Variants in RNF216 observed in about 807,000 individuals in gnomAD.
RNF216 encodes E3 ubiquitin-protein ligase RNF216.
RNF216 carries 72 observed loss-of-function variants against 110.8 expected under a neutral mutation model. That is an observed-to-expected ratio of 0.65 (90% CI 0.54 to 0.79). The LOEUF is 0.79. Ranked by LOEUF, RNF216 falls within the 30% of genes least tolerant of loss-of-function variation. RNF216 has a pLI of 0.00. For missense variants in RNF216, 1,342 were observed against 1,141.2 expected, an observed-to-expected ratio of 1.18 and a Z score of -2.54; for synonymous variants, 495 against 407.5, an observed-to-expected ratio of 1.21 and a Z score of -2.59.
At chr7:5,687,482 G>C (rs1049504898) in intron 13 of RNF216, among the ~76,000 whole-genome samples, 3 of 151,642 alleles carry the variant, frequency 2.0e-5, no homozygotes, top group African/African-American at 7.3e-5. Flanking sequence ...AAACCAAAGA[G>C]TCCACTCACA....
At chr7:5,695,571 T>C (rs1791576635) in intron 13 of RNF216, among the ~76,000 whole-genome samples, 1 of 152,256 alleles carries the variant, frequency 6.6e-6, no homozygotes, top group South Asian at 2.1e-4. Context: ...ACCGCAGCTA[T>C]AGACAAGTTC....
chr7:5,764,870 C>A (rs1004486014), intron 1 of RNF216, among the ~76,000 whole-genome samples: 3 of 151,926 alleles, frequency 2.0e-5, no homozygotes, highest in Admixed American at 6.6e-5. Flanking sequence ...AATTCGAGAC[C>A]AGCCTGAGCA....
chr7:5,625,416 G>T (rs748774432), intron 15 of RNF216, among the ~76,000 whole-genome samples: 1 of 152,150 alleles, frequency 6.6e-6, no homozygotes, highest in African/African-American at 2.4e-5. Flanking sequence ...GCTGTGGGTT[G>T]GAATATTAAT....
At chr7:5,661,074 G>A (rs1410659654) in intron 13 of RNF216, among the ~76,000 whole-genome samples, 1 of 150,908 alleles carries the variant, frequency 6.6e-6, no homozygotes, top group Non-Finnish European at 1.5e-5. Context: ...CAAGTAGCTG[G>A]AATTACAGGT....
chr7:5,642,156 T>C (rs1421392986), intron 14 of RNF216, among the ~76,000 whole-genome samples: 1 of 151,924 alleles, frequency 6.6e-6, no homozygotes, highest in East Asian at 1.9e-4. Context: ...CGTTTATGAT[T>C]TTAGTTACTC....
At chr7:5,733,499 T>C (rs1187046822) in intron 5 of RNF216, among the ~76,000 whole-genome samples, 1 of 152,190 alleles carries the variant, frequency 6.6e-6, no homozygotes, top group Admixed American at 6.5e-5. Context: ...ACATTGAATA[T>C]ACTCAATTTC....
At chr7:5,671,740 G>C (rs1444727945) in intron 13 of RNF216, among the ~76,000 whole-genome samples, 2 of 147,346 alleles carry the variant, frequency 1.4e-5, no homozygotes, top group Non-Finnish European at 3.0e-5. Flanking sequence ...GGAAGGCGGA[G>C]GTTGCAGTGA....
intron 1 of RNF216, among the ~76,000 whole-genome samples, chr7:5,771,406 CATTAAA>C (rs1237608901): frequency 6.6e-6 from 1 of 152,128 alleles, no homozygotes; most frequent in African/African-American, 2.4e-5. Flanking sequence ...AAACACTATA[CATTAAA>C]ATTAAGCATG....
intron 5 of RNF216, 124 bp downstream of exon 5, chr7:5,739,152 T>A (rs527635675): frequency 8.6e-7 from 1 of 1,160,714 alleles, no homozygotes; most frequent in African/African-American, 1.6e-5. Context: ...AGTTGCATAA[T>A]AATGTGAATT....
chr7:5,776,674 A>G lies in RNF216; in HGVS notation c.-70+4867T>C, dbSNP rs150314357. Among the ~76,000 whole-genome samples, 395 of 151,428 alleles carry G rather than the reference A, an allele frequency of 2.6e-3. 3 individuals are homozygous for G. The highest frequency in any genetic ancestry group is 9.0e-3 in the African/African-American group (371 of 41,330). ...TTCACAGGAATAGCCATATCAAGCT[A>G]AAGTGAGAGACGTGTCAGATCTGGG... On this transcript the variant is annotated intron_variant, in intron 1 of 16. Coordinates refer to ENST00000389902, the MANE Select transcript of RNF216 (RefSeq NM_207111.4).
At position 5,730,727 on chromosome 7, in the gene RNF216, T is replaced by C. The variant is rs746461058; in HGVS notation, c.1212A>G (p.Gln404=). The change falls in exon 6 of 17, where the codon CAA becomes CAG. Residue 404 remains glutamine (Q), a synonymous_variant. Coordinates refer to ENST00000389902, the MANE Select transcript of RNF216 (RefSeq NM_207111.4). ...INPSSSLLAS[Q]DETKLPKIDF... ...ACATGACACTTGCCTTTGTCTCATC[T>C]TGGCTGGCCAGCAGACTGCTACTGG... 19 of 1,607,774 alleles carry C rather than the reference T, an allele frequency of 1.2e-5. No homozygotes were observed. Among genetic ancestry groups the C allele is most frequent in the Non-Finnish European group, 1.5e-5 (18 of 1,176,206 alleles).
At chr7:5,769,121 C>CT (rs68129648) in intron 1 of RNF216, among the ~76,000 whole-genome samples, 31 of 128,632 alleles carry the variant, frequency 2.4e-4, no homozygotes, top group African/African-American at 5.8e-4. Context: ...TTCCAAATGC[C>CT]TTTTTTTTTT....
At chr7:5,707,660 G>A (rs117899626) in intron 13 of RNF216, among the ~76,000 whole-genome samples, 1,584 of 149,362 alleles carry the variant, frequency 0.011, 17 homozygotes, top group Non-Finnish European at 0.015. Flanking sequence ...TGGTGACAGT[G>A]ATATCCTTGC....
At chr7:5,634,756 C>A (rs1306856356) in intron 15 of RNF216, among the ~76,000 whole-genome samples, 1 of 152,234 alleles carries the variant, frequency 6.6e-6, no homozygotes, top group Non-Finnish European at 1.5e-5. Flanking sequence ...AGTGCTCACC[C>A]AGGGGCCTGG....
intron 11 of RNF216, 80 bp from the exon 12 acceptor site, chr7:5,712,943 T>A (rs116391645): frequency 6.9e-6 from 9 of 1,298,328 alleles, no homozygotes; most frequent in African/African-American, 1.5e-5. Context: ...GTTAAAAACA[T>A]AGATCCTGAG....
chr7:5,624,009 T>C lies in RNF216; in HGVS notation c.2452+47A>G. On this transcript the variant is annotated intron_variant, in intron 16 of 16. Transcript: ENST00000389902. The surrounding 1 kb of genome is among the most constrained non-coding windows in gnomAD (Gnocchi z 4.4). ...TCAGGGAGGCCAGCAGAAGCCTGCA[T>C]GGCCTGGCTGCTGCTCTGTCCTGGG... 6.5e-6 allele frequency: 10 copies of C among 1,547,754 alleles called. No individual in the cohort carries two copies. The highest frequency in any genetic ancestry group is 1.4e-5 in the African/African-American group (1 of 73,838).
chr7:5,744,807 T>C (rs898364313), intron 3 of RNF216, among the ~76,000 whole-genome samples: 1 of 152,052 alleles, frequency 6.6e-6, no homozygotes, highest in Admixed American at 6.6e-5. Context: ...ACCCCATCTC[T>C]ACTAAAACTA....
At chr7:5,631,984 G>A (rs142117209) in intron 15 of RNF216, among the ~76,000 whole-genome samples, 1 of 152,354 alleles carries the variant, frequency 6.6e-6, no homozygotes, top group Non-Finnish European at 1.5e-5. Context: ...CTGAGGCTCA[G>A]AAGATGCAGA....
intron 15 of RNF216, 40 bp downstream of exon 15, chr7:5,641,114 T>C (rs1787705465): frequency 7.1e-7 from 1 of 1,414,894 alleles, no homozygotes. Flanking sequence ...TATTTCTATT[T>C]TCTCCCTATA....
Sources: gnomAD v4.1 joint callset for allele counts (sites outside exome capture counted in the v4.1 genomes callset) on GRCh38, gnomAD v4.1.1 for gene constraint, Gnocchi (gnomAD v3.1) non-coding constraint, MANE v1.5 for transcripts, NCBI Gene and HGNC (gene_info 2026-07-23, HGNC 2026-07-21) for gene names.